ZNF641: variants seen among roughly 807,000 people sequenced by gnomAD.
The protein encoded by ZNF641 is zinc finger protein 641.
Under a neutral mutation model 46.2 loss-of-function variants are expected in ZNF641, and 26 were observed. The ratio of observed to expected loss-of-function variants is 0.56; its 90% CI spans 0.41 to 0.78. The LOEUF is 0.78. Ranked by LOEUF, ZNF641 falls within the 30% of genes least tolerant of loss-of-function variation. The pLI, the probability that ZNF641 is intolerant of heterozygous loss-of-function variation, is 0.00. For synonymous variants in ZNF641, 163 were observed against 187.9 expected, an observed-to-expected ratio of 0.87 and a Z score of 1.09; for missense variants, 469 against 517.8, an observed-to-expected ratio of 0.91 and a Z score of 0.91.
In ZNF641 at chr12:48,343,657, C is replaced by A; in HGVS notation, c.591G>T (p.Val197=). ...GGTTCCAGAGAACAGTATCTTCAGA[C>A]ACGCTGGATAACATTCTGGGAGGTT... is the stretch of plus-strand genomic sequence containing the variant. The part of the protein sequence containing the change: ...EAEPPRMLSS[V]SEDTVLWNPE... The change falls in exon 6 of 6, where the codon GTG becomes GTT. Residue 197 remains valine (V), a synonymous_variant. Transcript: ENST00000547026. 1 of 1,569,482 alleles carries A rather than the reference C, an allele frequency of 6.4e-7. No individual in the cohort carries two copies. The highest frequency in any genetic ancestry group is 8.6e-7 in the Non-Finnish European group (1 of 1,158,878).
Position 48,341,401 on chromosome 12 carries a change from T to C in ZNF641, c.*1572A>G. On this transcript the variant is annotated 3_prime_UTR_variant, in exon 6 of 6. Coordinates refer to ENST00000547026, the MANE Select transcript of ZNF641 (RefSeq NM_001172681.2). ...CACAATTATTGATAAAGAGAAACAA[T>C]GACCAACTCATTAGCTAACGATGCT... The C allele has an allele frequency of 4.1e-6, 4 of 985,468 alleles. No individual in the cohort carries two copies. Among genetic ancestry groups the C allele is most frequent in the Non-Finnish European group, 4.8e-6 (4 of 829,944 alleles). The allele number at this position is 985,468 out of a possible 1,614,324, so 61.0% of individuals were successfully genotyped here.
intron 1 of ZNF641, among the ~76,000 whole-genome samples, chr12:48,349,762 C>T (rs991313317): frequency 1.3e-5 from 2 of 152,160 alleles, no homozygotes; most frequent in Non-Finnish European, 1.5e-5. Flanking sequence ...CTCTGAATTC[C>T]AGCTCTGTAT....
rs2136168052 is a variant in ZNF641, at chr12:48,339,649, A to G, written c.*3324T>C. ...GCATGCATCCTAATTCAGAGATGGA[A>G]AGAACTGGCCTTCTGGCCTTTGTAG... On this transcript the variant is annotated 3_prime_UTR_variant, in exon 6 of 6. Transcript: ENST00000547026. 1 of 152,532 alleles carries G rather than the reference A, an allele frequency of 6.6e-6. No homozygotes were observed. Among genetic ancestry groups the G allele is most frequent in the East Asian group, 1.9e-4 (1 of 5,182 alleles). 9.4% of individuals were successfully genotyped at this position (152,532 alleles called of 1,614,324 possible).
rs751426897 is a variant in ZNF641, at chr12:48,342,985, T to C, written c.1263A>G (p.Thr421=). 1.2e-6 allele frequency: 2 copies of C among 1,611,466 alleles called. No homozygotes were observed. The highest frequency in any genetic ancestry group is 1.3e-5 in the African/African-American group (1 of 74,876). The change falls in exon 6 of 6, where the codon ACA becomes ACG. Residue 421 remains threonine, a synonymous_variant. Coordinates refer to ENST00000547026, the MANE Select transcript of ZNF641 (RefSeq NM_001172681.2). ...GTGGAAACAGATTTCAAAAGACAGA[T>C]GTTCCTCTGTCCCAGCTGTTCCGGG... ...QSPRNSWDRG[T]SVF
upstream of ZNF641, chr12:48,350,988 G>GGAGTGGGAGGGAGA (rs1953021185): frequency 4.5e-6 from 1 of 223,256 alleles, no homozygotes; most frequent in Non-Finnish European, 7.1e-6. Flanking sequence ...CGGAGGTGCG[G>GGAGTGGGAGGGAGA]GGAGTGGGAG....
chr12:48,347,139 A>C (rs1469312833), intron 3 of ZNF641, 113 bp downstream of exon 3: 1 of 1,570,540 alleles, frequency 6.4e-7, no homozygotes. Context: ...CAGTTATAAG[A>C]TGAACATACC....
downstream of ZNF641, among the ~76,000 whole-genome samples, chr12:48,334,658 G>A (rs995749380): frequency 1.3e-5 from 2 of 148,674 alleles, no homozygotes; most frequent in African/African-American, 5.0e-5. Context: ...AAGAGGCAAT[G>A]AGAAAATCAA....
rs1289306476 is a variant in ZNF641 at position 48,340,425 on chromosome 12, A to T, written c.*2548T>A. On this transcript the variant is annotated 3_prime_UTR_variant, in exon 6 of 6. Transcript: ENST00000547026. ...AGTCCTTCAAACAAGATTTGTGAGG[A>T]GCTGGATTTGTCAGCATGTCAGATC... The T allele has an allele frequency of 1.0e-6, 1 of 985,356 alleles. No homozygotes were observed. Among genetic ancestry groups the T allele is most frequent in the Non-Finnish European group, 1.2e-6 (1 of 829,948 alleles). The allele number at this position is 985,356 out of a possible 1,614,324, so 61.0% of individuals were successfully genotyped here.
At chr12:48,345,929 G>A (rs561175544) in intron 3 of ZNF641, among the ~76,000 whole-genome samples, 51 of 144,478 alleles carry the variant, frequency 3.5e-4, no homozygotes, top group Non-Finnish European at 5.4e-4. Context: ...TTTTTGAGAC[G>A]GAGTCTCACT....
At position 48,342,177 on chromosome 12, in the gene ZNF641, A is replaced by G; in HGVS notation, c.*796T>C. The G allele has an allele frequency of 2.0e-6, 2 of 985,412 alleles. No homozygotes were observed. Among genetic ancestry groups the G allele is most frequent in the Non-Finnish European group, 2.4e-6 (2 of 829,942 alleles). The allele number at this position is 985,412 out of a possible 1,614,324, so 61.0% of individuals were successfully genotyped here. On this transcript the variant is annotated 3_prime_UTR_variant, in exon 6 of 6. Coordinates refer to ENST00000547026, the MANE Select transcript of ZNF641 (RefSeq NM_001172681.2). ...ATTTGGGGGTATTAGATCATCTCTT[A>G]GCCTTGTAGTGTGATCTCTCAGCTG...
rs2634683 is a variant in ZNF641, at chr12:48,338,751, A to G, written c.*4222T>C. 91,982 of 152,066 alleles carry G rather than the reference A, an allele frequency of 0.6. 28,684 individuals carry two copies. Among genetic ancestry groups the G allele is most frequent in the Middle Eastern group, 0.65 (191 of 294 alleles). 9.4% of individuals were successfully genotyped at this position (152,066 alleles called of 1,614,324 possible). A position where few individuals can be genotyped will look rare whatever the true frequency, so the allele number is the denominator to read the frequency against. ...TCTCTCTTATGCCCTGGGGACTCTG[A>G]TGTTCCTGCTGCCCTTGCCCATAGG... On this transcript the variant is annotated 3_prime_UTR_variant, in exon 6 of 6. Coordinates refer to ENST00000547026, the MANE Select transcript of ZNF641 (RefSeq NM_001172681.2).
Position 48,341,285 on chromosome 12 carries a change from A to T in ZNF641, c.*1688T>A. On this transcript the variant is annotated 3_prime_UTR_variant, in exon 6 of 6. Coordinates refer to ENST00000547026, the MANE Select transcript of ZNF641 (RefSeq NM_001172681.2). ...GGAAGAAACAGTATCTAAGCATTAA[A>T]GAGAAAATATCCCACTTTGCTCCTC... 1 of 985,486 alleles carries T rather than the reference A, an allele frequency of 1.0e-6. No homozygotes were observed. The highest frequency in any genetic ancestry group is 1.2e-6 in the Non-Finnish European group (1 of 829,940). 61.0% of individuals were successfully genotyped at this position (985,486 alleles called of 1,614,324 possible).
downstream of ZNF641, among the ~76,000 whole-genome samples, chr12:48,334,710 A>G (rs1952591886): frequency 6.9e-6 from 1 of 144,782 alleles, no homozygotes; most frequent in Non-Finnish European, 1.5e-5. Flanking sequence ...AAGTGCCTTG[A>G]TGATAGCCAG....
intron 4 of ZNF641, 153 bp from the exon 5 acceptor site, chr12:48,344,865 C>A: frequency 1.7e-6 from 1 of 582,670 alleles, no homozygotes; most frequent in Admixed American, 3.2e-5. Flanking sequence ...ACCTCTTCCC[C>A]CACCCATTTC....
At chr12:48,347,221 C>T (rs920517813) in intron 3 of ZNF641, 31 bp downstream of exon 3, 1 of 1,613,694 alleles carries the variant, frequency 6.2e-7, no homozygotes. Flanking sequence ...GTGATGGGAC[C>T]ACAGGAGACG....
In ZNF641 at chr12:48,340,527, G is replaced by A. The variant is rs1952694791; in HGVS notation, c.*2446C>T. On this transcript the variant is annotated 3_prime_UTR_variant, in exon 6 of 6. Transcript: ENST00000547026. ...GACCAGACTCCATCCTTATACCACT[G>A]ATGCCTCTGGTACCTTAATCCTTAA... is the stretch of plus-strand genomic sequence containing the variant. The A allele has an allele frequency of 1.0e-6, 1 of 985,210 alleles. No homozygotes were observed. Among genetic ancestry groups the A allele is most frequent in the South Asian group, 4.7e-5 (1 of 21,284 alleles). 61.0% of individuals were successfully genotyped at this position (985,210 alleles called of 1,614,324 possible).
Position 48,341,695 on chromosome 12 carries a change from C to T in ZNF641, c.*1278G>A, listed in dbSNP as rs1952721237. 1.0e-6 allele frequency: 1 copy of T among 985,314 alleles called. No individual in the cohort carries two copies. Among genetic ancestry groups the T allele is most frequent in the Admixed American group, 6.1e-5 (1 of 16,262 alleles). 61.0% of individuals were successfully genotyped at this position (985,314 alleles called of 1,614,324 possible). On this transcript the variant is annotated 3_prime_UTR_variant, in exon 6 of 6. Coordinates refer to ENST00000547026, the MANE Select transcript of ZNF641 (RefSeq NM_001172681.2). ...TTTTCCAGCACTTAAAACAAAATCC[C>T]CACTCAATACAAAGTTTCTATGTGC...
intron 1 of ZNF641, chr12:48,350,016 A>G: frequency 6.2e-7 from 1 of 1,614,210 alleles, no homozygotes; most frequent in Non-Finnish European, 8.5e-7. Context: ...AAGTGCTAGC[A>G]AAAATCTCAG....
In ZNF641 at chr12:48,339,501, C is replaced by T. The variant is rs1445380075; in HGVS notation, c.*3472G>A. 6.6e-6 allele frequency: 1 copy of T among 152,124 alleles called. No individual in the cohort carries two copies. Among genetic ancestry groups the T allele is most frequent in the Non-Finnish European group, 1.5e-5 (1 of 68,044 alleles). The allele number at this position is 152,124 out of a possible 1,614,324, so 9.4% of individuals were successfully genotyped here. A position where few individuals can be genotyped will look rare whatever the true frequency, so the allele number is the denominator to read the frequency against. On this transcript the variant is annotated 3_prime_UTR_variant, in exon 6 of 6. Transcript: ENST00000547026. ...TGGCCCAAAGACCAAATTTTGAGAG[C>T]CACAGTTTGGTATGGCTCACAAGGG...
Sources: gnomAD v4.1 joint callset for allele counts (sites outside exome capture counted in the v4.1 genomes callset) on GRCh38, gnomAD v4.1.1 for gene constraint, MANE v1.5 for transcripts, NCBI Gene and HGNC (gene_info 2026-07-23, HGNC 2026-07-21) for gene names.